GATAD2B: variants seen among roughly 807,000 people sequenced by gnomAD.
GATAD2B encodes transcriptional repressor p66-beta.
A neutral mutation model predicts 64.3 loss-of-function variants in GATAD2B; 8 were observed. The ratio of observed to expected loss-of-function variants is 0.12; its 90% CI spans 0.07 to 0.22. The LOEUF is 0.22. Among genes scored for constraint, GATAD2B ranks in the 10% least tolerant of loss-of-function variants. GATAD2B has a pLI of 1.00. For synonymous variants in GATAD2B, 281 were observed against 271.3 expected (o/e 1.04, Z -0.35); for missense variants, 453 against 752.0 (o/e 0.60, Z 4.65).
intron 1 of GATAD2B, among the ~76,000 whole-genome samples, chr1:153,871,606 G>T (rs1487778533): frequency 6.6e-6 from 1 of 151,892 alleles, no homozygotes; most frequent in African/African-American, 2.4e-5. Flanking sequence ...CGAGCAGCTG[G>T]GACTACAGGT....
rs142221689 is a variant in GATAD2B at position 153,832,254 on chromosome 1, A to G, written c.-1-3906T>C. Among the ~76,000 whole-genome samples, 1,339 of 152,310 alleles carry G rather than the reference A, an allele frequency of 8.8e-3. 15 individuals carry two copies. The highest frequency in any genetic ancestry group is 0.013 in the Non-Finnish European group (915 of 68,034). ...TTAGCCAAGTTGTGAATGCAAAGGA[A>G]AAGTTCCTGAAGGAAATTAAAAGTG... is the stretch of plus-strand genomic sequence containing the variant. On this transcript the variant is annotated intron_variant, in intron 1 of 10. Transcript: ENST00000368655.
intron 1 of GATAD2B, among the ~76,000 whole-genome samples, chr1:153,857,809 C>A (rs1430253140): frequency 6.6e-6 from 1 of 152,192 alleles, no homozygotes; most frequent in Non-Finnish European, 1.5e-5. Flanking sequence ...TTTACCCCTA[C>A]GTAATGTTTT....
rs185795704 is a variant in GATAD2B at position 153,871,820 on chromosome 1, C to T, written c.-1-43472G>A. ...AATTCTTTAGCAGGGCATGGTGGCC[C>T]GTGCCTGTAGTCCCAACTACTTGGG... On this transcript the variant is annotated intron_variant, in intron 1 of 10. Transcript: ENST00000368655. 6.9e-3 allele frequency among the ~76,000 whole-genome samples: 1,055 copies of T among 152,142 alleles called. 8 individuals are homozygous for T. The highest frequency in any genetic ancestry group is 0.012 in the Non-Finnish European group (790 of 68,008).
At chr1:153,834,094 C>G (rs1038221163) in intron 1 of GATAD2B, among the ~76,000 whole-genome samples, 21 of 151,890 alleles carry the variant, frequency 1.4e-4, no homozygotes, top group South Asian at 4.2e-4. Context: ...CCTCCACCTC[C>G]TGGGTTCATG....
intron 1 of GATAD2B, among the ~76,000 whole-genome samples, chr1:153,840,385 T>C (rs1389834841): frequency 1.3e-5 from 2 of 150,732 alleles, no homozygotes; most frequent in African/African-American, 2.4e-5. Context: ...TTGCCCAGGC[T>C]GGAGTGCAAT....
chr1:153,865,847 G>A (rs1282377652), intron 1 of GATAD2B, among the ~76,000 whole-genome samples: 1 of 152,252 alleles, frequency 6.6e-6, no homozygotes, highest in Middle Eastern at 3.4e-3. Context: ...TCTCAACGGG[G>A]TGCAGTGGCA....
At chr1:153,826,694 C>T (rs558965488) in intron 2 of GATAD2B, among the ~76,000 whole-genome samples, 3 of 152,160 alleles carry the variant, frequency 2.0e-5, no homozygotes, top group African/African-American at 7.2e-5. Context: ...AGTCCCAGCA[C>T]TTTGGGAGGC....
intron 1 of GATAD2B, among the ~76,000 whole-genome samples, chr1:153,831,593 AT>A (rs1213827781): frequency 1.3e-5 from 2 of 152,348 alleles, no homozygotes; most frequent in Admixed American, 6.5e-5. Flanking sequence ...GATGTTTAGT[AT>A]ATTCAGAGCT....
chr1:153,866,884 G>GCA, intron 1 of GATAD2B, among the ~76,000 whole-genome samples: 3 of 152,124 alleles, frequency 2.0e-5, no homozygotes, highest in Admixed American at 6.5e-5. Flanking sequence ...GGGTTCAATA[G>GCA]ATTCTCCTGC....
At chr1:153,831,902 G>T (rs1557791489) in intron 1 of GATAD2B, among the ~76,000 whole-genome samples, 1 of 152,160 alleles carries the variant, frequency 6.6e-6, no homozygotes, top group Non-Finnish European at 1.5e-5. Context: ...ACTTTATTGT[G>T]CTTTGCAGAT....
rs1043233662 is a variant in GATAD2B, at chr1:153,894,854, T to C, written c.-2+27879A>G. On this transcript the variant is annotated intron_variant, in intron 1 of 10. Coordinates refer to ENST00000368655, the MANE Select transcript of GATAD2B (RefSeq NM_020699.4). ...TCCAGCCTGGGTGACAGGTCGAGACTACGTCTCAAAAAAACAAACAAAGGC... is the reference window on the plus strand; with the variant it reads ...TCCAGCCTGGGTGACAGGTCGAGACCACGTCTCAAAAAAACAAACAAAGGC... Among the ~76,000 whole-genome samples the C allele has an allele frequency of 4.7e-5, 7 of 150,508 alleles. 1 individual carries two copies. Among genetic ancestry groups the C allele is most frequent in the Non-Finnish European group, 8.9e-5 (6 of 67,640 alleles).
At chr1:153,835,613 T>C (rs1675235194) in intron 1 of GATAD2B, among the ~76,000 whole-genome samples, 1 of 151,810 alleles carries the variant, frequency 6.6e-6, no homozygotes, top group Admixed American at 6.6e-5. Context: ...TTGTTAGTAC[T>C]TTTTAGCAAG....
chr1:153,897,251 G>A (rs1336928905), intron 1 of GATAD2B, among the ~76,000 whole-genome samples: 7 of 151,710 alleles, frequency 4.6e-5, no homozygotes, highest in Non-Finnish European at 1.0e-4. Flanking sequence ...GGATGGTCTC[G>A]ATCTCCTGAC....
chr1:153,815,293 C>CAAAAAAAAAAAAAA (rs71093285), intron 7 of GATAD2B, among the ~76,000 whole-genome samples: 168 of 111,754 alleles, frequency 1.5e-3, no homozygotes, highest in East Asian at 2.2e-3. Context: ...AAAAAAAAAA[C>CAAAAAAAAAAAAAA]AAAAAAAAAA....
intron 1 of GATAD2B, among the ~76,000 whole-genome samples, chr1:153,876,827 AC>A (rs1232261164): frequency 6.6e-6 from 1 of 151,082 alleles, no homozygotes; most frequent in Non-Finnish European, 1.5e-5. Context: ...ACATGGTGAA[AC>A]CCCGTCTCTA....
intron 1 of GATAD2B, among the ~76,000 whole-genome samples, chr1:153,840,810 G>C (rs111488314): frequency 3.3e-5 from 5 of 152,220 alleles, no homozygotes; most frequent in African/African-American, 1.2e-4. Context: ...TGAAGAGATT[G>C]TTCTTATTAT....
At chr1:153,874,130 C>T (rs1428968748) in intron 1 of GATAD2B, among the ~76,000 whole-genome samples, 1 of 151,652 alleles carries the variant, frequency 6.6e-6, no homozygotes, top group East Asian at 1.9e-4. Context: ...GGTGTGGTGG[C>T]GTGTGCCTGT....
chr1:153,873,745 T>C (rs924343943), intron 1 of GATAD2B, among the ~76,000 whole-genome samples: 14 of 152,138 alleles, frequency 9.2e-5, no homozygotes, highest in African/African-American at 3.4e-4. Flanking sequence ...GGAGCTCCAC[T>C]CCAGCCTAGG....
intron 1 of GATAD2B, among the ~76,000 whole-genome samples, chr1:153,830,216 A>G (rs1675025272): frequency 6.6e-6 from 1 of 152,096 alleles, no homozygotes; most frequent in African/African-American, 2.4e-5. Context: ...GTGAGATCTC[A>G]GCTCACTGCA....
Sources: gnomAD v4.1 joint callset for allele counts (sites outside exome capture counted in the v4.1 genomes callset) on GRCh38, gnomAD v4.1.1 for gene constraint, MANE v1.5 for transcripts, NCBI Gene and HGNC (gene_info 2026-07-23, HGNC 2026-07-21) for gene names.